Variants in SPIN1 observed in about 807,000 individuals in gnomAD.
The protein encoded by SPIN1 is spindlin 1.
Under a neutral mutation model 26.0 loss-of-function variants are expected in SPIN1, and 3 were observed. That is an observed-to-expected ratio of 0.12 (90% CI 0.05 to 0.30). The LOEUF (loss-of-function observed/expected upper bound fraction) is 0.30, where lower values mean the gene tolerates loss of function less well. Among genes scored for constraint, SPIN1 ranks in the 10% least tolerant of loss-of-function variants. The pLI, the probability that SPIN1 is intolerant of heterozygous loss-of-function variation, is 1.00. For synonymous variants in SPIN1, 101 were observed against 116.5 expected (o/e 0.87, Z 0.86); for missense variants, 126 against 333.4 (o/e 0.38, Z 4.84).
chr9:88,460,410 CATCTT>C (rs1236734654), intron 3 of SPIN1, among the ~76,000 whole-genome samples: 2 of 152,170 alleles, frequency 1.3e-5, no homozygotes, highest in Non-Finnish European at 2.9e-5. Flanking sequence ...TCTCATTTCT[CATCTT>C]TTCTGTTCCT....
At chr9:88,445,253 C>G (rs549456444) in intron 2 of SPIN1, among the ~76,000 whole-genome samples, 1 of 152,036 alleles carries the variant, frequency 6.6e-6, no homozygotes, top group Non-Finnish European at 1.5e-5. Flanking sequence ...CTACTCTAAG[C>G]CCAGACATGC....
At chr9:88,459,411 CTGAG>C (rs906256859) in intron 3 of SPIN1, among the ~76,000 whole-genome samples, 6 of 152,152 alleles carry the variant, frequency 3.9e-5, no homozygotes, top group Non-Finnish European at 8.8e-5. Context: ...TCTTCTACCT[CTGAG>C]TAGTAAAGTT....
At chr9:88,436,072 T>C (rs1827993234) in intron 2 of SPIN1, among the ~76,000 whole-genome samples, 1 of 151,960 alleles carries the variant, frequency 6.6e-6, no homozygotes, top group Admixed American at 6.5e-5. Context: ...TTGACAATAT[T>C]ACTCTCTTGT....
chr9:88,456,739 T>C lies in SPIN1; in HGVS notation c.102-5757T>C, dbSNP rs534515070. On this transcript the variant is annotated intron_variant, in intron 3 of 5. Transcript: ENST00000375859. ...CATCTACAAATACGAACACCAAGAA[T>C]CATGAGGCATCTTAGAGCACTAAAC... Among the ~76,000 whole-genome samples the C allele has an allele frequency of 1.2e-4, 18 of 152,070 alleles. No individual in the cohort carries two copies. In the East Asian group the frequency reaches 3.1e-3, roughly 26 times the overall value.
chr9:88,410,481 C>G (rs1827419919), intron 1 of SPIN1: 4 of 728,930 alleles, frequency 5.5e-6, no homozygotes, highest in Admixed American at 3.7e-5. Flanking sequence ...CCTGTAGCTT[C>G]TCTGTCACTT....
At chr9:88,425,396 C>T (rs927741142) in intron 1 of SPIN1, among the ~76,000 whole-genome samples, 5 of 152,032 alleles carry the variant, frequency 3.3e-5, no homozygotes, top group Non-Finnish European at 2.9e-5. Flanking sequence ...GACACTGCTT[C>T]TGGCAGGGTG....
intron 1 of SPIN1, among the ~76,000 whole-genome samples, chr9:88,395,569 AT>A (rs1252513845): frequency 6.6e-6 from 1 of 152,068 alleles, no homozygotes; most frequent in African/African-American, 2.4e-5. Flanking sequence ...AGGTAAACAC[AT>A]TTGTAGTTTT....
chr9:88,419,006 T>A (rs1827624276), intron 1 of SPIN1: 1 of 152,178 alleles, frequency 6.6e-6, no homozygotes, highest in African/African-American at 2.4e-5. Flanking sequence ...GAATGAGAAT[T>A]TTGAGTTTCA....
intron 1 of SPIN1, chr9:88,411,183 C>A (rs1427432848): frequency 9.5e-6 from 13 of 1,369,372 alleles, no homozygotes; most frequent in Admixed American, 8.4e-5. Flanking sequence ...CTTTAAGAAT[C>A]TTCTGTTGAG....
chr9:88,392,529 C>T (rs1826947349), intron 1 of SPIN1, among the ~76,000 whole-genome samples: 1 of 152,034 alleles, frequency 6.6e-6, no homozygotes, highest in Non-Finnish European at 1.5e-5. Context: ...AAGAGGCCAT[C>T]GGGGATTTCA....
At chr9:88,426,754 TGAAAG>T (rs780001644) in intron 2 of SPIN1, among the ~76,000 whole-genome samples, 163 bp downstream of exon 2, 2 of 152,230 alleles carry the variant, frequency 1.3e-5, no homozygotes, top group Non-Finnish European at 2.9e-5. Flanking sequence ...TTAAGTTTCT[TGAAAG>T]GGAAGTAGTC....
intron 1 of SPIN1, among the ~76,000 whole-genome samples, chr9:88,420,842 T>C (rs1827655401): frequency 6.6e-6 from 1 of 152,240 alleles, no homozygotes; most frequent in South Asian, 2.1e-4. Context: ...ATCACATTTC[T>C]TTAAGGCTGA....
intron 2 of SPIN1, among the ~76,000 whole-genome samples, chr9:88,440,095 A>G (rs973332364): frequency 1.3e-5 from 2 of 151,404 alleles, no homozygotes; most frequent in Admixed American, 1.3e-4. Context: ...TTAATTGAGC[A>G]TTTTATATGA....
intron 2 of SPIN1, among the ~76,000 whole-genome samples, chr9:88,434,340 AAT>A (rs1156579457): frequency 1.7e-5 from 2 of 117,622 alleles, no homozygotes; most frequent in Non-Finnish European, 3.5e-5. Context: ...CAAATTATAA[AAT>A]AGTTTATTTT....
intron 2 of SPIN1, among the ~76,000 whole-genome samples, chr9:88,442,741 G>T (rs1007017901): frequency 2.0e-5 from 3 of 151,894 alleles, no homozygotes; most frequent in Non-Finnish European, 4.4e-5. Context: ...ATACTCTTTG[G>T]TGTAGTTTTT....
At chr9:88,448,819 C>G in intron 2 of SPIN1, 122 bp from the exon 3 acceptor site, 3 of 720,096 alleles carry the variant, frequency 4.2e-6, no homozygotes, top group Non-Finnish European at 6.8e-6. Context: ...AACATGTTTG[C>G]TGGTAGTGGT....
At chr9:88,425,912 C>G (rs1827756110) in intron 1 of SPIN1, among the ~76,000 whole-genome samples, 1 of 152,106 alleles carries the variant, frequency 6.6e-6, no homozygotes, top group Non-Finnish European at 1.5e-5. Context: ...ATTTCCTGTG[C>G]TGCCCCCGTG....
In SPIN1 at chr9:88,475,342, T is replaced by A; in HGVS notation, c.*65T>A. 1 of 1,512,182 alleles carries A rather than the reference T, an allele frequency of 6.6e-7. No homozygotes were observed. 93.7% of individuals were successfully genotyped at this position (1,512,182 alleles called of 1,614,324 possible). A position where few individuals can be genotyped will look rare whatever the true frequency, so the allele number is the denominator to read the frequency against. On this transcript the variant is annotated 3_prime_UTR_variant, in exon 6 of 6. Transcript: ENST00000375859. ...ATGTATTATTTGTAGACATAAAGAC[T>A]TGATTGCTTTCCAGTTTAATGAAAG...
intron 3 of SPIN1, among the ~76,000 whole-genome samples, chr9:88,454,291 A>G (rs184496651): frequency 2.3e-4 from 35 of 152,346 alleles, no homozygotes; most frequent in Non-Finnish European, 4.3e-4. Context: ...AAAAATCACT[A>G]TATTCAAAGA....
Sources: allele counts gnomAD v4.1 joint callset (sites outside exome capture counted in the v4.1 genomes callset), GRCh38; gene constraint gnomAD v4.1.1; transcripts MANE v1.5; gene names NCBI Gene and HGNC (gene_info 2026-07-23, HGNC 2026-07-21).